Variants in BRAP observed in about 807,000 individuals in gnomAD.
BRAP encodes BRCA1-associated protein.
BRAP carries 42 observed loss-of-function variants against 73.4 expected under a neutral mutation model. The observed-to-expected ratio is 0.57, with a 90% confidence interval of 0.45 to 0.74. The LOEUF is 0.74. Among genes scored for constraint, BRAP ranks in the 30% least tolerant of loss-of-function variants. The pLI is 0.00. For synonymous variants in BRAP, 255 were observed against 267.4 expected (o/e 0.95, Z 0.45); for missense variants, 593 against 751.4 (o/e 0.79, Z 2.46).
chr12:111,645,422 GA>G (rs1886075552), intron 11 of BRAP, among the ~76,000 whole-genome samples: 1 of 152,134 alleles, frequency 6.6e-6, no homozygotes, highest in Non-Finnish European at 1.5e-5. Context: ...TTCAGTAGCA[GA>G]AACTATTCTG....
chr12:111,660,329 C>G (rs1886698520), intron 7 of BRAP, among the ~76,000 whole-genome samples: 1 of 151,714 alleles, frequency 6.6e-6, no homozygotes. Context: ...ATGTCTTGCC[C>G]AACCCTAGAC....
chr12:111,643,421 A>G lies in BRAP; in HGVS notation c.*778T>C, dbSNP rs978220894. On this transcript the variant is annotated 3_prime_UTR_variant, in exon 12 of 12. Transcript: ENST00000419234. ...ACTCAGTCTTGCTAGATGCTAGGATACCCACTCTGAGATTTGAGTTTGGGA... is the reference window on the plus strand; with the variant it reads ...ACTCAGTCTTGCTAGATGCTAGGATGCCCACTCTGAGATTTGAGTTTGGGA... 3 of 152,288 alleles carry G rather than the reference A, an allele frequency of 2.0e-5. No individual in the cohort carries two copies. 9.4% of individuals were successfully genotyped at this position (152,288 alleles called of 1,614,324 possible).
At position 111,665,785 on chromosome 12, in the gene BRAP, G is replaced by A. The variant is rs61999323; in HGVS notation, c.750C>T (p.Gly250=). The A allele has an allele frequency of 2.9e-3, 4,693 of 1,614,142 alleles. 122 individuals carry two copies. The African/African-American group carries it at 0.053, about 18-fold the overall frequency. ...ERAEVLKSED[G]ASLPVMDLTE... is the part of the protein sequence containing the mutation. ...TCAGGTCCATCACTGGGAGGCTGGC[G>A]CCCTACAGGAAACACCTCACATAAG... is the stretch of plus-strand genomic sequence containing the variant. Residue 250 remains glycine (G), a splice_region_variant and synonymous_variant, in exon 6 of 12, where the codon GGC becomes GGT. Coordinates refer to ENST00000419234, the MANE Select transcript of BRAP (RefSeq NM_006768.5). The surrounding 1 kb of genome is among the most constrained non-coding windows in gnomAD (Gnocchi z 4.3).
At chr12:111,655,693 C>T in intron 9 of BRAP, 38 bp from the exon 10 acceptor site, 1 of 1,478,268 alleles carries the variant, frequency 6.8e-7, no homozygotes, top group Non-Finnish European at 9.4e-7. Flanking sequence ...ATGTAAGTCA[C>T]TGTTGTCAGC....
At position 111,681,696 on chromosome 12, in the gene BRAP, G is replaced by A. The variant is rs755769034; in HGVS notation, c.384C>T (p.Phe128=). 6.2e-7 allele frequency: 1 copy of A among 1,613,806 alleles called. No individual in the cohort carries two copies. Among genetic ancestry groups the A allele is most frequent in the South Asian group, 1.1e-5 (1 of 91,076 alleles). The change falls in exon 3 of 12, where the codon TTC becomes TTT. Residue 128 remains phenylalanine (F), a synonymous_variant. Coordinates refer to ENST00000419234, the MANE Select transcript of BRAP (RefSeq NM_006768.5). Reference sequence around the variant, plus strand: ...TTTCAACTGATGGATTTCCACTGAAGAATGAAATCTGGTCTGGAAGCTGTT... The same window carrying A: ...TTTCAACTGATGGATTTCCACTGAAAAATGAAATCTGGTCTGGAAGCTGTT... ...PSKQLPDQIS[F]FSGNPSVEIV... is the part of the protein sequence containing the mutation.
Position 111,658,856 on chromosome 12 carries a change from A to G in BRAP, c.1112-11T>C. 2 of 1,579,902 alleles carry G rather than the reference A, an allele frequency of 1.3e-6. No homozygotes were observed. Among genetic ancestry groups the G allele is most frequent in the Non-Finnish European group, 1.7e-6 (2 of 1,151,622 alleles). On this transcript the variant is annotated splice_polypyrimidine_tract_variant and intron_variant, in intron 8 of 11. Coordinates refer to ENST00000419234, the MANE Select transcript of BRAP (RefSeq NM_006768.5). ...GATGAACATAGTTATCTACAGAAAG[A>G]GTCAACAAAAGTGTGTTTCTTTAGA... is the stretch of plus-strand genomic sequence containing the variant.
At chr12:111,655,730 T>C (rs1156727130) in intron 9 of BRAP, 75 bp from the exon 10 acceptor site, 1 of 1,222,188 alleles carries the variant, frequency 8.2e-7, no homozygotes, top group East Asian at 2.3e-5. Flanking sequence ...AAAAATCTGA[T>C]ATTTAATGAT....
intron 4 of BRAP, among the ~76,000 whole-genome samples, chr12:111,675,943 T>C (rs963760983): frequency 1.3e-5 from 2 of 152,130 alleles, no homozygotes; most frequent in Non-Finnish European, 2.9e-5. Flanking sequence ...CCTTCTGCTT[T>C]TCCTATGTCC....
intron 6 of BRAP, among the ~76,000 whole-genome samples, chr12:111,662,199 A>C (rs1181722440): frequency 6.6e-6 from 1 of 152,208 alleles, no homozygotes; most frequent in African/African-American, 2.4e-5. Context: ...CAACTAGGAC[A>C]GAAAGTGGGT....
chr12:111,666,560 TG>T (rs938117933), intron 5 of BRAP, among the ~76,000 whole-genome samples: 1 of 152,166 alleles, frequency 6.6e-6, no homozygotes, highest in Non-Finnish European at 1.5e-5. Context: ...AGTCAGCTCC[TG>T]CCCCCACAGA....
At chr12:111,658,905 TTA>T in intron 8 of BRAP, 60 bp from the exon 9 acceptor site, 1 of 1,362,704 alleles carries the variant, frequency 7.3e-7, no homozygotes, top group South Asian at 1.3e-5. Flanking sequence ...CTGTACACTT[TTA>T]ACTCTGACAA....
At chr12:111,651,919 A>C (rs557804124) in intron 10 of BRAP, among the ~76,000 whole-genome samples, 1 of 152,168 alleles carries the variant, frequency 6.6e-6, no homozygotes, top group East Asian at 1.9e-4. Context: ...TACAGGCATA[A>C]GCCACCACGC....
intron 2 of BRAP, among the ~76,000 whole-genome samples, chr12:111,682,868 C>T (rs1178899564): frequency 6.6e-6 from 1 of 152,026 alleles, no homozygotes; most frequent in Non-Finnish European, 1.5e-5. Context: ...CCCGACATTG[C>T]ACCACTGCAC....
Position 111,644,269 on chromosome 12 carries a change from G to C in BRAP, c.1709C>G (p.Ser570Trp). The C allele has an allele frequency of 1.2e-6, 2 of 1,614,068 alleles. No homozygotes were observed. Among genetic ancestry groups the C allele is most frequent in the African/African-American group, 1.3e-5 (1 of 75,046 alleles). Residue 570 changes from serine to tryptophan, a missense_variant, in exon 12 of 12, where the codon TCG becomes TGG. Physicochemically the swap from Ser to Trp is radical, Grantham distance 177. Around this residue, in one of 4 missense-constraint regions of BRAP, gnomAD observed 79 missense variants for 65.3 expected, o/e 1.21. Coordinates refer to ENST00000419234, the MANE Select transcript of BRAP (RefSeq NM_006768.5). ...ACTGCCCCCCGAAGAGGCAGGGCTC[G>C]AGGCCGAGGCCATGGCGATGTTGAT... is the stretch of plus-strand genomic sequence containing the variant. ...GQINIAMASA[S>W]SPASSGGSGK... is the part of the protein sequence containing the mutation.
At chr12:111,667,561 G>C (rs1481471032) in intron 5 of BRAP, among the ~76,000 whole-genome samples, 5 of 151,666 alleles carry the variant, frequency 3.3e-5, no homozygotes, top group African/African-American at 1.2e-4. Flanking sequence ...TTAGCCGGGT[G>C]TGGTCGTGGG....
chr12:111,656,604 A>G (rs7977304), intron 9 of BRAP, among the ~76,000 whole-genome samples: 2,380 of 152,340 alleles, frequency 0.016, 74 homozygotes, highest in African/African-American at 0.054. Context: ...ATGTCTGCAG[A>G]CTACAGAGAG....
At chr12:111,667,993 G>A (rs1887022198) in intron 5 of BRAP, among the ~76,000 whole-genome samples, 1 of 152,118 alleles carries the variant, frequency 6.6e-6, no homozygotes. Context: ...CGGATCACGA[G>A]GTCAAGAGTT....
chr12:111,650,331 T>C (rs990894619), intron 10 of BRAP, among the ~76,000 whole-genome samples: 12 of 152,192 alleles, frequency 7.9e-5, no homozygotes, highest in Non-Finnish European at 2.9e-5. Flanking sequence ...AGTGGGATGA[T>C]CTTGGCTCAC....
intron 7 of BRAP, among the ~76,000 whole-genome samples, chr12:111,659,853 C>T (rs116473432): frequency 1.3e-3 from 202 of 151,940 alleles, no homozygotes; most frequent in African/African-American, 4.6e-3. Flanking sequence ...CCCAACTCTA[C>T]AAAATGTTTT....
Sources: gnomAD v4.1 joint callset for allele counts (sites outside exome capture counted in the v4.1 genomes callset) on GRCh38, gnomAD v4.1.1 for gene constraint, gnomAD v4.1.1 regional missense constraint, Gnocchi (gnomAD v3.1) non-coding constraint, MANE v1.5 for transcripts, NCBI Gene and HGNC (gene_info 2026-07-23, HGNC 2026-07-21) for gene names.